The following SANBR variants were observed in gnomAD, a reference collection of about 807,000 sequenced individuals.
SANBR encodes the protein SANT and BTB domain regulator of class switch recombination.
SANBR carries 77 observed loss-of-function variants against 101.8 expected under a neutral mutation model. The ratio of observed to expected loss-of-function variants is 0.76; its 90% CI spans 0.63 to 0.91. The LOEUF is 0.91. SANBR is among the 40% of genes least tolerant of loss of function. The probability of loss-of-function intolerance (pLI) is 0.00; values close to 1 mark genes in which losing one functional copy is unlikely to be tolerated. For synonymous variants in SANBR, 279 were observed against 274.7 expected (o/e 1.02, Z -0.15); for missense variants, 875 against 853.0 (o/e 1.03, Z -0.32).
At chr2:61,091,077 A>C (rs1264068252) in intron 10 of SANBR, among the ~76,000 whole-genome samples, 1 of 152,066 alleles carries the variant, frequency 6.6e-6, no homozygotes, top group African/African-American at 2.4e-5. Flanking sequence ...TTTTAAGACA[A>C]ATGTGCCTGT....
chr2:61,067,738 TAACAACAAC>T (rs150082222), intron 1 of SANBR, among the ~76,000 whole-genome samples: 9 of 151,784 alleles, frequency 5.9e-5, no homozygotes, highest in Non-Finnish European at 1.0e-4. Flanking sequence ...CACTCCGTCT[TAACAACAAC>T]AACAACAACA....
intron 5 of SANBR, among the ~76,000 whole-genome samples, chr2:61,076,065 C>T (rs1376543193): frequency 6.6e-6 from 1 of 151,600 alleles, no homozygotes; most frequent in Non-Finnish European, 1.5e-5. Context: ...GCCATCTGGG[C>T]TCACTGCAAC....
intron 15 of SANBR, 129 bp downstream of exon 15, chr2:61,108,478 T>C: frequency 1.8e-6 from 1 of 565,804 alleles, no homozygotes; most frequent in Non-Finnish European, 3.0e-6. Context: ...TTTCAGATTC[T>C]CCTATTTTGC....
intron 1 of SANBR, chr2:61,066,423 C>G (rs1009772442): frequency 6.5e-6 from 1 of 152,702 alleles, no homozygotes; most frequent in South Asian, 2.1e-4. Context: ...GGGGGTGCCC[C>G]GAGGACGCGC....
intron 5 of SANBR, among the ~76,000 whole-genome samples, chr2:61,074,370 A>G (rs970711997): frequency 1.1e-4 from 16 of 152,206 alleles, no homozygotes; most frequent in Non-Finnish European, 2.1e-4. Context: ...TCACCCTTTT[A>G]AAGTGTGTAG....
At chr2:61,116,332 T>G (rs1022769541) in intron 17 of SANBR, among the ~76,000 whole-genome samples, 1 of 152,176 alleles carries the variant, frequency 6.6e-6, no homozygotes, top group African/African-American at 2.4e-5. Context: ...TGTATATGCA[T>G]AAAATGTTTC....
chr2:61,101,812 G>A (rs753305271), intron 12 of SANBR, among the ~76,000 whole-genome samples: 14 of 150,962 alleles, frequency 9.3e-5, no homozygotes, highest in African/African-American at 3.4e-4. Flanking sequence ...TGAGATGGGC[G>A]GACCACCTGA....
At chr2:61,116,984 G>A (rs746934707) in intron 17 of SANBR, 26 of 218,530 alleles carry the variant, frequency 1.2e-4, no homozygotes, top group Non-Finnish European at 2.0e-4. Flanking sequence ...TTGAGACCAG[G>A]AAGTCGAGGC....
chr2:61,077,074 T>G lies in SANBR; in HGVS notation c.586T>G (p.Cys196Gly), dbSNP rs1311825199. 1 of 1,614,170 alleles carries G rather than the reference T, an allele frequency of 6.2e-7. No homozygotes were observed. The highest frequency in any genetic ancestry group is 1.1e-5 in the South Asian group (1 of 91,086). The change falls in exon 6 of 22, where the codon TGC (cysteine) becomes GGC (glycine). Residue 196 changes from cysteine (C) to glycine (G), a missense_variant. Transcript: ENST00000402291. Reference protein sequence around the residue: ...RWEEVDISVHCDVHIFNWLIK... With the variant: ...RWEEVDISVHGDVHIFNWLIK... ...GGAAGAGGTGGACATTTCAGTTCAT[T>G]GCGACGTTCACATTTTCAACTGGTT...
chr2:61,082,661 A>G (rs1682196579), intron 7 of SANBR, among the ~76,000 whole-genome samples: 1 of 152,232 alleles, frequency 6.6e-6, no homozygotes, highest in African/African-American at 2.4e-5. Context: ...TCTACTAAAA[A>G]TACAAAAATT....
intron 12 of SANBR, among the ~76,000 whole-genome samples, chr2:61,101,493 G>A (rs1334869164): frequency 6.6e-6 from 1 of 152,178 alleles, no homozygotes; most frequent in Admixed American, 6.5e-5. Flanking sequence ...CAGCACTTTG[G>A]GAGGCTGAGG....
In SANBR at chr2:61,103,871, C is replaced by T; in HGVS notation, c.1384C>T (p.His462Tyr). Residue 462 changes from histidine (H) to tyrosine (Y), a missense_variant, in exon 13 of 22, where the codon CAC (histidine) becomes TAC (tyrosine). His to Tyr is a moderately conservative substitution (Grantham distance 83, BLOSUM62 2). Coordinates refer to ENST00000402291, the MANE Select transcript of SANBR (RefSeq NM_001129993.3). ...QLTKGCKVRD[H>Y]MVTLRDQGEG... ...GTGACAGGGCTGTAAAGTGAGGGAC[C>T]ACATGGTTACACTTCGTGATCAAGG... is the stretch of plus-strand genomic sequence containing the variant. The T allele has an allele frequency of 6.2e-7, 1 of 1,614,098 alleles. No homozygotes were observed. The highest frequency in any genetic ancestry group is 8.5e-7 in the Non-Finnish European group (1 of 1,179,964).
chr2:61,134,066 C>T, intron 20 of SANBR: 1 of 1,575,926 alleles, frequency 6.3e-7, no homozygotes, highest in Non-Finnish European at 8.7e-7. Context: ...TTTGTTTAAT[C>T]TCTTCTTGTG....
At chr2:61,117,875 C>G (rs762764279) in intron 19 of SANBR, among the ~76,000 whole-genome samples, 153 bp from the exon 20 acceptor site, 9 of 152,176 alleles carry the variant, frequency 5.9e-5, no homozygotes, top group African/African-American at 1.2e-4. Context: ...CACTTGCTAA[C>G]TTAAATTCTT....
At chr2:61,124,451 G>T (rs1405402665), downstream of SANBR, among the ~76,000 whole-genome samples, 1 of 152,142 alleles carries the variant, frequency 6.6e-6, no homozygotes, top group African/African-American at 2.4e-5. Context: ...TGCAATCCCA[G>T]CACTTTTGGA....
At chr2:61,095,259 A>G (rs972363108) in intron 11 of SANBR, among the ~76,000 whole-genome samples, 9 of 152,224 alleles carry the variant, frequency 5.9e-5, no homozygotes, top group African/African-American at 9.6e-5. Flanking sequence ...TCTCCTTTAC[A>G]GCAAATTGAA....
At position 61,122,573 on chromosome 2, in the gene SANBR, G is replaced by A. The variant is rs565772674; in HGVS notation, c.*411G>A. 5 of 989,798 alleles carry A rather than the reference G, an allele frequency of 5.1e-6. No homozygotes were observed. Among genetic ancestry groups the A allele is most frequent in the South Asian group, 9.3e-5 (2 of 21,420 alleles). The allele number at this position is 989,798 out of a possible 1,614,324, so 61.3% of individuals were successfully genotyped here. ...CTGATTGTAGTATGTCTTTGGAGCT[G>A]TAAATCTTGAGATAGCATTGAGAAC... On this transcript the variant is annotated 3_prime_UTR_variant, in exon 22 of 22. Transcript: ENST00000402291.
downstream of SANBR, among the ~76,000 whole-genome samples, chr2:61,127,971 A>G (rs757058283): frequency 2.0e-5 from 3 of 152,212 alleles, no homozygotes; most frequent in East Asian, 5.8e-4. Context: ...TGAAGAAGCA[A>G]GAGAAAAATC....
At chr2:61,073,919 T>C (rs983722991) in intron 5 of SANBR, among the ~76,000 whole-genome samples, 2 of 152,084 alleles carry the variant, frequency 1.3e-5, no homozygotes, top group African/African-American at 4.8e-5. Context: ...ACATAATAAC[T>C]CATTATAGAA....
Sources: gnomAD v4.1 joint callset for allele counts (sites outside exome capture counted in the v4.1 genomes callset) on GRCh38, gnomAD v4.1.1 for gene constraint, MANE v1.5 for transcripts, NCBI Gene and HGNC (gene_info 2026-07-23, HGNC 2026-07-21) for gene names.